Variants in CIP2A observed in about 807,000 individuals in gnomAD.
The protein encoded by CIP2A is protein CIP2A.
Under a neutral mutation model 110.9 loss-of-function variants are expected in CIP2A, and 103 were observed. The observed-to-expected ratio is 0.93, with a 90% confidence interval of 0.79 to 1.09. The LOEUF (loss-of-function observed/expected upper bound fraction) is 1.09. CIP2A is among the 50% of genes least tolerant of loss of function. CIP2A has a pLI of 0.00. For missense variants in CIP2A, 1,088 were observed against 1,038.4 expected (o/e 1.05, Z -0.66); for synonymous variants, 381 against 361.6 (o/e 1.05, Z -0.61).
In CIP2A at chr3:108,569,391, CAAATATTT is replaced by C; in HGVS notation, c.1103_1110del (p.Glu368GlyfsTer8). 6.2e-7 allele frequency: 1 copy of C among 1,609,042 alleles called. No homozygotes were observed. Among genetic ancestry groups the C allele is most frequent in the Non-Finnish European group, 8.5e-7 (1 of 1,176,236 alleles). On this transcript the variant is annotated frameshift_variant, in exon 9 of 21. Transcript: ENST00000295746. LOFTEE classifies it high-confidence loss of function. ...CAATCTGTCAGTCATCCTATTACCT[CAAATATTT>C]CCTTGAACAACTCCAATGCTAAAAC...
chr3:108,553,919 AGG>A, intron 18 of CIP2A, among the ~76,000 whole-genome samples, 189 bp from the exon 19 acceptor site: 1 of 141,542 alleles, frequency 7.1e-6, no homozygotes, highest in Non-Finnish European at 1.5e-5. Context: ...AAAAAAAAAA[AGG>A]TCTCGTTCTG....
In CIP2A at chr3:108,551,115, T is replaced by C. The variant is rs777696244; in HGVS notation, c.*34A>G. On this transcript the variant is annotated 3_prime_UTR_variant, in exon 21 of 21. Coordinates refer to ENST00000295746, the MANE Select transcript of CIP2A (RefSeq NM_020890.3). ...CCAATAGATAAATACATCAAAAATA[T>C]CATGAGATTACAAATTCCAAAATGC... The C allele has an allele frequency of 5.6e-5, 38 of 681,574 alleles. No homozygotes were observed. Among genetic ancestry groups the C allele is most frequent in the Non-Finnish European group, 8.0e-5 (38 of 477,546 alleles). The allele number at this position is 681,574 out of a possible 1,614,324, so 42.2% of individuals were successfully genotyped here.
At chr3:108,575,198 A>G (rs1218685295) in intron 8 of CIP2A, 1 of 152,090 alleles carries the variant, frequency 6.6e-6, no homozygotes, top group Admixed American at 6.5e-5. Flanking sequence ...TGAACCAAAG[A>G]AAGTCTAGAT....
At chr3:108,572,033 C>T (rs539946873) in intron 8 of CIP2A, among the ~76,000 whole-genome samples, 15 of 151,700 alleles carry the variant, frequency 9.9e-5, no homozygotes, top group Non-Finnish European at 2.1e-4. Context: ...AGTATCTGTT[C>T]GGCTCTGTGT....
chr3:108,566,113 G>A (rs1938171673), intron 11 of CIP2A, among the ~76,000 whole-genome samples: 1 of 151,644 alleles, frequency 6.6e-6, no homozygotes, highest in African/African-American at 2.4e-5. Context: ...TTATTAAAAA[G>A]CCTTTAGCAG....
intron 7 of CIP2A, among the ~76,000 whole-genome samples, chr3:108,578,856 A>C (rs1027909141): frequency 6.6e-6 from 1 of 152,240 alleles, no homozygotes; most frequent in African/African-American, 2.4e-5. Context: ...TATACAAAAA[A>C]TAAAGACACA....
At chr3:108,579,050 A>G (rs545424254) in intron 7 of CIP2A, among the ~76,000 whole-genome samples, 1 of 152,270 alleles carries the variant, frequency 6.6e-6, no homozygotes, top group South Asian at 2.1e-4. Flanking sequence ...GCACAACCCT[A>G]TTGATCTAAA....
intron 8 of CIP2A, among the ~76,000 whole-genome samples, chr3:108,575,979 T>G (rs1360906608): frequency 6.6e-6 from 1 of 151,196 alleles, no homozygotes; most frequent in African/African-American, 2.4e-5. Flanking sequence ...TACATATATA[T>G]GTATGCTGTT....
At position 108,557,381 on chromosome 3, in the gene CIP2A, C is replaced by G. The variant is rs575788214; in HGVS notation, c.2047G>C (p.Glu683Gln). 2.5e-6 allele frequency: 4 copies of G among 1,604,458 alleles called. No homozygotes were observed. The African/African-American group carries it at 5.4e-5, about 22-fold the overall frequency. The change falls in exon 17 of 21, where the codon GAG (glutamate) becomes CAG (glutamine). Residue 683 changes from glutamate (E) to glutamine (Q), a missense_variant. By Grantham distance (29) the Glu-to-Gln change is conservative. Coordinates refer to ENST00000295746, the MANE Select transcript of CIP2A (RefSeq NM_020890.3). Reference protein sequence around the residue: ...RTLASMLREVERKNEELSVLL... With the variant: ...RTLASMLREVQRKNEELSVLL... ...ACACTAAGCTCTTCATTTTTTCTCT[C>G]AACTTCTCTCAACATACTAGCAAGT...
At chr3:108,571,810 G>A (rs1938410015) in intron 8 of CIP2A, among the ~76,000 whole-genome samples, 2 of 152,094 alleles carry the variant, frequency 1.3e-5, no homozygotes, top group Non-Finnish European at 2.9e-5. Context: ...TTATACATAT[G>A]CCCAGTATTA....
chr3:108,560,251 A>T (rs541156319), intron 14 of CIP2A, among the ~76,000 whole-genome samples: 1 of 151,960 alleles, frequency 6.6e-6, no homozygotes, highest in South Asian at 2.1e-4. Flanking sequence ...GGCTCACTGC[A>T]ACCTCTGCCT....
At chr3:108,582,319 T>G (rs967188743) in intron 3 of CIP2A, 117 bp from the exon 4 acceptor site, 1 of 453,042 alleles carries the variant, frequency 2.2e-6, no homozygotes, top group Admixed American at 3.9e-5. Flanking sequence ...ACAATTTTTT[T>G]AAAAAACACA....
rs1325330014 is a variant in CIP2A at position 108,563,217 on chromosome 3, A to G, written c.1543T>C (p.Phe515Leu). 2 of 1,612,100 alleles carry G rather than the reference A, an allele frequency of 1.2e-6. No individual in the cohort carries two copies. Among genetic ancestry groups the G allele is most frequent in the African/African-American group, 2.7e-5 (2 of 74,838 alleles). ...TCTCTATTATCTGACGTTAAAGCAA[A>G]AGCCAAAGGAGTAATCAAACGTGGG... ...QDPRLITPLA[F>L]ALTSDNREQV... is the part of the protein sequence containing the mutation. The change falls in exon 13 of 21, where the codon TTT (phenylalanine) becomes CTT (leucine). Residue 515 changes from phenylalanine (F) to leucine (L), a missense_variant. Phe to Leu is a conservative substitution (Grantham distance 22, BLOSUM62 0). Transcript: ENST00000295746.
chr3:108,576,375 A>T, intron 7 of CIP2A, 29 bp from the exon 8 acceptor site: 1 of 1,138,320 alleles, frequency 8.8e-7, no homozygotes, highest in Non-Finnish European at 1.3e-6. Flanking sequence ...TATACATCAA[A>T]TGATAAATAT....
chr3:108,589,380 C>A lies in CIP2A; in HGVS notation c.-5G>T, dbSNP rs1203272826. 1.2e-6 allele frequency: 2 copies of A among 1,607,080 alleles called. No homozygotes were observed. Among genetic ancestry groups the A allele is most frequent in the Non-Finnish European group, 1.7e-6 (2 of 1,175,160 alleles). ...CAAGCAGGCAGTGGAGTCCATTGCACCGGCCGCGGCCCGGCTTAGGGACCA... is the reference window on the plus strand; with the variant it reads ...CAAGCAGGCAGTGGAGTCCATTGCAACGGCCGCGGCCCGGCTTAGGGACCA... On this transcript the variant is annotated 5_prime_UTR_variant, in exon 1 of 21. Coordinates refer to ENST00000295746, the MANE Select transcript of CIP2A (RefSeq NM_020890.3).
chr3:108,551,214 T>G lies in CIP2A; in HGVS notation c.2653A>C (p.Ile885Leu). Residue 885 changes from isoleucine (I) to leucine (L), a missense_variant, in exon 21 of 21, where the codon ATA becomes CTA. Ile to Leu is a conservative substitution (Grantham distance 5). Coordinates refer to ENST00000295746, the MANE Select transcript of CIP2A (RefSeq NM_020890.3). Reference sequence around the variant, plus strand: ...CCACTTAAACTGTGGATCATTGCTATCATGTGGGAGTGTTTGTTCAATTCC... The same window carrying G: ...CCACTTAAACTGTGGATCATTGCTAGCATGTGGGAGTGTTTGTTCAATTCC... ...QEELNKHSHM[I>L]AMIHSLSGGK... The G allele has an allele frequency of 6.2e-7, 1 of 1,611,848 alleles. No homozygotes were observed. The highest frequency in any genetic ancestry group is 8.5e-7 in the Non-Finnish European group (1 of 1,178,598).
chr3:108,553,896 T>TAAAAAAAA (rs71103478), intron 18 of CIP2A, among the ~76,000 whole-genome samples, 166 bp from the exon 19 acceptor site: 8 of 84,180 alleles, frequency 9.5e-5, no homozygotes, highest in African/African-American at 2.7e-4. Flanking sequence ...ACTAAAAATA[T>TAAAAAAAA]AAAAAAAAAA....
intron 20 of CIP2A, among the ~76,000 whole-genome samples, chr3:108,551,586 C>A (rs1028388724): frequency 6.6e-6 from 1 of 152,030 alleles, no homozygotes; most frequent in South Asian, 2.1e-4. Flanking sequence ...AAATACTACA[C>A]ACTACATATT....
At chr3:108,559,155 A>T (rs115908847) in intron 16 of CIP2A, among the ~76,000 whole-genome samples, 2,000 of 152,238 alleles carry the variant, frequency 0.013, 40 homozygotes, top group African/African-American at 0.046. Context: ...TATAACAAAT[A>T]GTGGTAGAAG....
Sources: allele counts gnomAD v4.1 joint callset (sites outside exome capture counted in the v4.1 genomes callset), GRCh38; gene constraint gnomAD v4.1.1; transcripts MANE v1.5; gene names NCBI Gene and HGNC (gene_info 2026-07-23, HGNC 2026-07-21).